The following NREP variants were observed in gnomAD, a reference collection of about 807,000 sequenced individuals.
The protein encoded by NREP is neuronal regeneration related protein.
Under a neutral mutation model 8.6 loss-of-function variants are expected in NREP, and 5 were observed. The ratio of observed to expected loss-of-function variants is 0.58; its 90% confidence interval spans 0.30 to 1.22. The LOEUF is 1.22. Among genes scored for constraint, NREP ranks in the 50% most tolerant of loss-of-function variants. The pLI is 0.07. For synonymous variants in NREP, 27 were observed against 28.0 expected (o/e 0.96, Z 0.11); for missense variants, 86 against 82.5 (o/e 1.04, Z -0.17).
At chr5:111,919,985 C>CCA (rs1491032576) in intron 2 of NREP, among the ~76,000 whole-genome samples, 2 of 111,658 alleles carry the variant, frequency 1.8e-5, no homozygotes, top group Admixed American at 1.9e-4. Context: ...CCCCCCCCCC[C>CCA]ACACACACAA....
At chr5:111,732,864 T>TAAC (rs1393625183) in intron 3 of NREP, 1 of 152,154 alleles carries the variant, frequency 6.6e-6, no homozygotes, top group Non-Finnish European at 1.5e-5. Context: ...TGATAAATGT[T>TAAC]AACTCAACAA....
intron 2 of NREP, among the ~76,000 whole-genome samples, chr5:111,938,585 C>G (rs771330230): frequency 1.3e-5 from 2 of 151,984 alleles, no homozygotes; most frequent in Admixed American, 6.6e-5. Context: ...CATTTCAGAT[C>G]GGTCACTTAC....
chr5:111,778,090 A>T (rs1351539120), intron 2 of NREP, among the ~76,000 whole-genome samples: 2 of 152,192 alleles, frequency 1.3e-5, no homozygotes, highest in African/African-American at 4.8e-5. Context: ...AGGATTTAGT[A>T]CAGAACAATT....
At chr5:111,829,494 T>C (rs1350317926) in intron 2 of NREP, among the ~76,000 whole-genome samples, 1 of 152,198 alleles carries the variant, frequency 6.6e-6, no homozygotes, top group African/African-American at 2.4e-5. Flanking sequence ...TTCTGGCTTC[T>C]TCCCAATCTG....
upstream of NREP, among the ~76,000 whole-genome samples, chr5:111,759,141 GGCTGATCT>G (rs1298738776): frequency 2.0e-5 from 3 of 152,130 alleles, no homozygotes; most frequent in African/African-American, 7.2e-5. Flanking sequence ...GACGCCTGGG[GGCTGATCT>G]GCAAGTCTGG....
At chr5:111,931,829 G>A (rs373924675) in intron 2 of NREP, among the ~76,000 whole-genome samples, 56 of 152,012 alleles carry the variant, frequency 3.7e-4, no homozygotes, top group African/African-American at 6.5e-4. Flanking sequence ...GAAAGATTGC[G>A]TAATGCTCTT....
chr5:111,832,428 G>A (rs955069697), intron 2 of NREP, among the ~76,000 whole-genome samples: 11 of 152,116 alleles, frequency 7.2e-5, no homozygotes, highest in African/African-American at 2.7e-4. Flanking sequence ...CTACTTGTGG[G>A]TCTGATGAGG....
intron 2 of NREP, among the ~76,000 whole-genome samples, chr5:111,837,510 C>G (rs191895490): frequency 2.3e-4 from 35 of 152,150 alleles, no homozygotes; most frequent in Admixed American, 5.9e-4. Context: ...TGTCATCATT[C>G]ATGGTAGCTA....
intron 2 of NREP, among the ~76,000 whole-genome samples, chr5:111,749,912 G>C (rs770596755): frequency 4.6e-5 from 7 of 152,160 alleles, no homozygotes; most frequent in Non-Finnish European, 8.8e-5. Context: ...GAGTGAGAGG[G>C]AGCAATAAAG....
In NREP at chr5:111,895,219, T is replaced by G. The variant is rs1464125961; in HGVS notation, c.135+80055A>C. 3.9e-5 allele frequency among the ~76,000 whole-genome samples: 6 copies of G among 152,284 alleles called. No individual in the cohort carries two copies. In the South Asian group the frequency reaches 1.0e-3, roughly 26 times the overall value. ...AAACCTTGCTACACCCTTTAGAGAT[T>G]GAGGACAGAGTGGGGCTCAGGAATT... On this transcript the variant is annotated intron_variant, in intron 2 of 3. Coordinates refer to the NREP transcript ENST00000395634.
At chr5:111,892,699 A>C (rs1177425926) in intron 2 of NREP, among the ~76,000 whole-genome samples, 2 of 152,200 alleles carry the variant, frequency 1.3e-5, no homozygotes, top group Non-Finnish European at 2.9e-5. Context: ...CCTACGATCT[A>C]ATATAATTAA....
At chr5:111,757,927 C>G (rs1397714883), upstream of NREP, 2 of 985,488 alleles carry the variant, frequency 2.0e-6, no homozygotes, top group Non-Finnish European at 1.2e-6. Flanking sequence ...CGGCGCGGCC[C>G]GTACTGTAAT....
At chr5:111,825,218 T>C (rs9784726) in intron 2 of NREP, among the ~76,000 whole-genome samples, 25,486 of 151,890 alleles carry the variant, frequency 0.17, 2,691 homozygotes, top group Non-Finnish European at 0.23. Context: ...TATAGAAAAA[T>C]AAATAAATAA....
At chr5:111,880,646 T>G (rs1754031700) in intron 2 of NREP, among the ~76,000 whole-genome samples, 1 of 151,992 alleles carries the variant, frequency 6.6e-6, no homozygotes, top group Admixed American at 6.6e-5. Flanking sequence ...GTGGACACAT[T>G]CTAAGGTACT....
chr5:111,952,851 A>G (rs142124085), intron 2 of NREP, among the ~76,000 whole-genome samples: 1 of 152,282 alleles, frequency 6.6e-6, no homozygotes, highest in African/African-American at 2.4e-5. Context: ...ATTATAGCTT[A>G]CAAAACAGAT....
At chr5:111,944,854 T>C (rs964210456) in intron 2 of NREP, among the ~76,000 whole-genome samples, 2 of 152,090 alleles carry the variant, frequency 1.3e-5, no homozygotes. Context: ...CTTCAGTTAG[T>C]TCATCCCCAT....
At chr5:111,972,434 CT>C (rs1423722605) in intron 2 of NREP, among the ~76,000 whole-genome samples, 1 of 152,164 alleles carries the variant, frequency 6.6e-6, no homozygotes, top group Admixed American at 6.5e-5. Context: ...CCTAAAGATT[CT>C]AAACTCTTTG....
At chr5:111,918,393 A>T (rs1175103749) in intron 2 of NREP, among the ~76,000 whole-genome samples, 1 of 152,210 alleles carries the variant, frequency 6.6e-6, no homozygotes, top group Non-Finnish European at 1.5e-5. Context: ...GCACCCGTAT[A>T]GCCAAGGCAA....
At chr5:111,843,001 G>A (rs2112951114) in intron 2 of NREP, among the ~76,000 whole-genome samples, 1 of 152,198 alleles carries the variant, frequency 6.6e-6, no homozygotes, top group East Asian at 1.9e-4. Flanking sequence ...AAAAAAGTTT[G>A]ATTACAATGT....
Sources: gnomAD v4.1 joint callset for allele counts (sites outside exome capture counted in the v4.1 genomes callset) on GRCh38, gnomAD v4.1.1 for gene constraint, MANE v1.5 for transcripts, NCBI Gene and HGNC (gene_info 2026-07-23, HGNC 2026-07-21) for gene names.